ZNF385D: variants seen among roughly 807,000 people sequenced by gnomAD.
The protein encoded by ZNF385D is zinc finger protein 385D.
ZNF385D carries 15 observed loss-of-function variants against 35.8 expected under a neutral mutation model. The ratio of observed to expected loss-of-function variants is 0.42; its 90% confidence interval spans 0.28 to 0.64. The LOEUF is 0.64. ZNF385D is among the 30% of genes least tolerant of loss of function. The pLI is 0.23. For missense variants in ZNF385D, 474 were observed against 494.6 expected, an observed-to-expected ratio of 0.96 and a Z score of 0.39; for synonymous variants, 212 against 186.8, an observed-to-expected ratio of 1.13 and a Z score of -1.10.
chr3:21,569,345 T>C, intron 2 of ZNF385D, among the ~76,000 whole-genome samples: 1 of 149,574 alleles, frequency 6.7e-6, no homozygotes, highest in Admixed American at 6.7e-5. Flanking sequence ...TTGATCTTTG[T>C]TGGTTTAAAG....
intron 3 of ZNF385D, among the ~76,000 whole-genome samples, chr3:22,042,187 G>A (rs371840095): frequency 2.0e-4 from 31 of 152,018 alleles, no homozygotes; most frequent in African/African-American, 6.5e-4. Context: ...CTTTTGTCAC[G>A]GCTCACTAGT....
At chr3:22,187,160 T>C (rs1030918459) in intron 2 of ZNF385D, among the ~76,000 whole-genome samples, 1 of 152,200 alleles carries the variant, frequency 6.6e-6, no homozygotes, top group African/African-American at 2.4e-5. Flanking sequence ...TTCGTGGCCA[T>C]TCTTCACTAA....
At chr3:21,865,353 G>A (rs1272334764) in intron 3 of ZNF385D, among the ~76,000 whole-genome samples, 1 of 151,674 alleles carries the variant, frequency 6.6e-6, no homozygotes, top group Non-Finnish European at 1.5e-5. Flanking sequence ...TCTGACTGAA[G>A]TTTGCTTTTG....
intron 2 of ZNF385D, among the ~76,000 whole-genome samples, chr3:22,205,924 T>C (rs1018361430): frequency 6.6e-6 from 1 of 152,042 alleles, no homozygotes; most frequent in South Asian, 2.1e-4. Flanking sequence ...TAGCATTGAA[T>C]GTAAATGGAC....
chr3:22,074,377 G>C (rs948186709), intron 3 of ZNF385D, among the ~76,000 whole-genome samples: 2 of 151,874 alleles, frequency 1.3e-5, no homozygotes, highest in South Asian at 2.1e-4. Flanking sequence ...TCCAGCCCTT[G>C]GCAGAGAAGC....
intron 2 of ZNF385D, among the ~76,000 whole-genome samples, chr3:21,571,780 T>C (rs888002875): frequency 2.0e-5 from 3 of 152,118 alleles, no homozygotes; most frequent in Non-Finnish European, 2.9e-5. Context: ...ACTAAACTTA[T>C]GATTATAATT....
At chr3:22,201,573 T>C (rs1400966415) in intron 2 of ZNF385D, among the ~76,000 whole-genome samples, 5 of 152,046 alleles carry the variant, frequency 3.3e-5, no homozygotes, top group African/African-American at 7.2e-5. Context: ...TTGTAGGTAT[T>C]TGTAAAGCAA....
At chr3:22,062,558 C>T (rs545358039) in intron 3 of ZNF385D, among the ~76,000 whole-genome samples, 136 of 152,258 alleles carry the variant, frequency 8.9e-4, no homozygotes, top group African/African-American at 3.0e-3. Context: ...AGTAACCATA[C>T]ATGCTACTTT....
At chr3:22,239,937 G>T (rs1201553707) in intron 2 of ZNF385D, among the ~76,000 whole-genome samples, 1 of 150,182 alleles carries the variant, frequency 6.7e-6, no homozygotes, top group Non-Finnish European at 1.5e-5. Flanking sequence ...AGCACTTTGG[G>T]AGACCAAGAC....
At chr3:21,789,941 G>T (rs1281857613) in intron 3 of ZNF385D, among the ~76,000 whole-genome samples, 1 of 152,154 alleles carries the variant, frequency 6.6e-6, no homozygotes, top group East Asian at 1.9e-4. Context: ...CTCTTAACAG[G>T]AAATTGGCTA....
At chr3:21,737,484 C>T (rs956812599) in intron 1 of ZNF385D, among the ~76,000 whole-genome samples, 3 of 151,940 alleles carry the variant, frequency 2.0e-5, no homozygotes, top group Non-Finnish European at 4.4e-5. Context: ...CACACACACA[C>T]ACACATACAC....
intron 3 of ZNF385D, among the ~76,000 whole-genome samples, chr3:21,771,441 A>T (rs1201347309): frequency 6.6e-6 from 1 of 151,942 alleles, no homozygotes; most frequent in Non-Finnish European, 1.5e-5. Flanking sequence ...AGAAAATAAA[A>T]TCGCAAGACA....
In ZNF385D at chr3:21,413,395, G is replaced by A. The variant is rs1700519337; in HGVS notation, c.*7819C>T. 1.3e-5 allele frequency: 2 copies of A among 152,060 alleles called. No individual in the cohort carries two copies. The highest frequency in any genetic ancestry group is 1.3e-4 in the Admixed American group (2 of 15,246). 9.4% of individuals were successfully genotyped at this position (152,060 alleles called of 1,614,324 possible). On this transcript the variant is annotated 3_prime_UTR_variant, in exon 8 of 8. Coordinates refer to ENST00000281523, the MANE Select transcript of ZNF385D (RefSeq NM_024697.3). ...TTGATGCCAAGGTGGCATCACTGTG[G>A]CTGACCAATGATTCGGAATCTCACA...
intron 1 of ZNF385D, among the ~76,000 whole-genome samples, chr3:21,740,855 G>C (rs950122416): frequency 7.2e-5 from 11 of 152,156 alleles, no homozygotes; most frequent in African/African-American, 1.7e-4. Flanking sequence ...AATTAACTGA[G>C]GGGTATTAAA....
intron 2 of ZNF385D, among the ~76,000 whole-genome samples, chr3:22,177,874 G>T (rs1379709462): frequency 5.3e-5 from 8 of 152,210 alleles, no homozygotes; most frequent in African/African-American, 1.9e-4. Flanking sequence ...GAGAATGATG[G>T]TTTCCAGCTT....
chr3:21,666,453 G>A lies in ZNF385D; in HGVS notation c.23-1425C>T, dbSNP rs568230041. On this transcript the variant is annotated intron_variant, in intron 1 of 7. Transcript: ENST00000281523. Reference sequence around the variant, plus strand: ...TTCCTTCTTGAAATAATAATAGCACGGCCAACAATAGCAAAGTCAATAACT... The same window carrying A: ...TTCCTTCTTGAAATAATAATAGCACAGCCAACAATAGCAAAGTCAATAACT... 9.9e-5 allele frequency among the ~76,000 whole-genome samples: 15 copies of A among 152,130 alleles called. No individual in the cohort carries two copies. In the South Asian group the frequency reaches 1.7e-3, roughly 17 times the overall value.
At chr3:22,171,824 C>A (rs1343171143) in intron 2 of ZNF385D, among the ~76,000 whole-genome samples, 1 of 147,754 alleles carries the variant, frequency 6.8e-6, no homozygotes, top group Non-Finnish European at 1.5e-5. Flanking sequence ...TTGCAGTGAG[C>A]CGAGATCACG....
intron 3 of ZNF385D, among the ~76,000 whole-genome samples, chr3:22,112,604 T>G (rs1702592278): frequency 6.6e-6 from 1 of 152,136 alleles, no homozygotes; most frequent in African/African-American, 2.4e-5. Flanking sequence ...TATAAATATT[T>G]TGATACTTAG....
intron 3 of ZNF385D, among the ~76,000 whole-genome samples, chr3:21,523,948 C>T (rs534951509): frequency 1.8e-4 from 28 of 152,116 alleles, no homozygotes; most frequent in East Asian, 3.9e-4. Context: ...TTGATTATGA[C>T]GGTGAAAACA....
Sources: gnomAD v4.1 joint callset for allele counts (sites outside exome capture counted in the v4.1 genomes callset) on GRCh38, gnomAD v4.1.1 for gene constraint, MANE v1.5 for transcripts, NCBI Gene and HGNC (gene_info 2026-07-23, HGNC 2026-07-21) for gene names.